Variants in CLTCL1 observed in about 807,000 individuals in gnomAD.
The protein encoded by CLTCL1 is clathrin heavy chain like 1, also known as clathrin heavy chain 2.
Under a neutral mutation model 190.0 loss-of-function variants are expected in CLTCL1, and 159 were observed. That is an observed-to-expected ratio of 0.84 (90% CI 0.74 to 0.95). The LOEUF (loss-of-function observed/expected upper bound fraction) is 0.95. Ranked by LOEUF, CLTCL1 falls within the 40% of genes least tolerant of loss-of-function variation. The pLI, the probability that CLTCL1 is intolerant of heterozygous loss-of-function variation, is 0.00. For synonymous variants in CLTCL1, 752 were observed against 769.6 expected (o/e 0.98, Z 0.38); for missense variants, 1,878 against 2,033.4 (o/e 0.92, Z 1.47).
chr22:19,217,853 G>GAAAAAAAA (rs535821018), intron 18 of CLTCL1, among the ~76,000 whole-genome samples: 1 of 81,360 alleles, frequency 1.2e-5, no homozygotes. Context: ...CTCAAAAAGA[G>GAAAAAAAA]AAAAAAAAAA....
intron 2 of CLTCL1, among the ~76,000 whole-genome samples, chr22:19,254,849 C>T (rs1222124438): frequency 6.6e-6 from 1 of 152,084 alleles, no homozygotes; most frequent in Non-Finnish European, 1.5e-5. Flanking sequence ...TGTTAAACAG[C>T]CCCATGTAGC....
At chr22:19,232,762 G>C in intron 9 of CLTCL1, 164 bp from the exon 10 acceptor site, 3 of 893,044 alleles carry the variant, frequency 3.4e-6, no homozygotes, top group Non-Finnish European at 4.9e-6. Flanking sequence ...CCAATTAAAT[G>C]AATTGATTTA....
intron 3 of CLTCL1, among the ~76,000 whole-genome samples, chr22:19,251,699 GC>G (rs1369996749): frequency 1.3e-5 from 2 of 151,884 alleles, no homozygotes; most frequent in Non-Finnish European, 2.9e-5. Context: ...CTCGTGATCC[GC>G]CCGCCTTGGC....
At chr22:19,206,911 T>C (rs951244187) in intron 22 of CLTCL1, among the ~76,000 whole-genome samples, 1 of 151,578 alleles carries the variant, frequency 6.6e-6, no homozygotes, top group African/African-American at 2.4e-5. Flanking sequence ...CTTTTATTTA[T>C]GGTTAAGGTT....
intron 2 of CLTCL1, chr22:19,257,727 A>G (rs1479250085): frequency 8.3e-7 from 1 of 1,211,136 alleles, no homozygotes; most frequent in African/African-American, 1.7e-5. Flanking sequence ...TGGGATGGCC[A>G]GGGGTCTGGC....
rs368852610 is a variant in CLTCL1, at chr22:19,221,499, A to C, written c.2674T>G (p.Cys892Gly). The stretch of plus-strand genomic sequence containing the variant: ...TAGTAGGCATTCTCTCTCAGGAAGC[A>C]CTCGGGGCTGTTGTTGCTGTCGATG... ...IYIDSNNSPE[C>G]FLRENAYYDS... Residue 892 changes from cysteine (C) to glycine (G), a missense_variant, in exon 17 of 33, where the codon TGC becomes GGC. Transcript: ENST00000427926. The C allele has an allele frequency of 1.2e-6, 2 of 1,601,850 alleles. No homozygotes were observed. The highest frequency in any genetic ancestry group is 1.7e-6 in the Non-Finnish European group (2 of 1,174,032).
intron 22 of CLTCL1, among the ~76,000 whole-genome samples, chr22:19,206,023 CTCCAGTGAG>C (rs1340087055): frequency 6.6e-6 from 1 of 151,954 alleles, no homozygotes; most frequent in Non-Finnish European, 1.5e-5. Flanking sequence ...ACTTCCCAGC[CTCCAGTGAG>C]TCTCCCACCT....
At chr22:19,252,298 T>C (rs140237154) in intron 3 of CLTCL1, among the ~76,000 whole-genome samples, 42 of 152,260 alleles carry the variant, frequency 2.8e-4, no homozygotes, top group African/African-American at 9.4e-4. Context: ...ATAATTCCCA[T>C]TGCCTGCAGT....
In CLTCL1 at chr22:19,180,070, T is replaced by TA. The variant is rs2084077636; in HGVS notation, c.*21-102dup. On this transcript the variant is annotated intron_variant, in intron 32 of 32. Transcript: ENST00000427926. ...CCCGGGGCCCAGGGAGCAGGGTCTA[T>TA]AGGACCAGCCCTTACCACCCAGACG... The TA allele has an allele frequency of 2.8e-5, 22 of 797,364 alleles. 2 individuals are homozygous for TA. The South Asian group carries it at 3.2e-4, about 12-fold the overall frequency. 49.4% of individuals were successfully genotyped at this position (797,364 alleles called of 1,614,324 possible).
intron 2 of CLTCL1, among the ~76,000 whole-genome samples, chr22:19,269,342 G>C (rs2087227215): frequency 6.6e-6 from 1 of 152,080 alleles, no homozygotes; most frequent in Admixed American, 6.6e-5. Context: ...AGAGGTTACA[G>C]TGAGCCAATA....
chr22:19,219,248 C>T (rs782295695), intron 18 of CLTCL1, among the ~76,000 whole-genome samples: 13 of 151,706 alleles, frequency 8.6e-5, no homozygotes, highest in Non-Finnish European at 1.9e-4. Context: ...AGTGCAGTGG[C>T]GTGCAGTCTC....
At chr22:19,190,351 A>G (rs1339263844) in intron 27 of CLTCL1, among the ~76,000 whole-genome samples, 1 of 152,232 alleles carries the variant, frequency 6.6e-6, no homozygotes, top group Admixed American at 6.5e-5. Context: ...TCAGCGGAGC[A>G]GTCAGAACAC....
At chr22:19,222,191 G>A (rs1555952973) in intron 15 of CLTCL1, 98 bp from the exon 16 acceptor site, 1 of 1,285,464 alleles carries the variant, frequency 7.8e-7, no homozygotes, top group Non-Finnish European at 1.1e-6. Flanking sequence ...CCCTGAAAGG[G>A]CTCCTGTTTA....
intron 27 of CLTCL1, among the ~76,000 whole-genome samples, chr22:19,188,892 G>A (rs2084400982): frequency 6.6e-6 from 1 of 152,022 alleles, no homozygotes; most frequent in African/African-American, 2.4e-5. Context: ...TAGGATTACA[G>A]GCATGAGCCA....
intron 2 of CLTCL1, among the ~76,000 whole-genome samples, chr22:19,256,178 T>C (rs972922891): frequency 1.3e-5 from 2 of 151,888 alleles, no homozygotes; most frequent in African/African-American, 2.4e-5. Flanking sequence ...TTTTAATAGA[T>C]ACAGGGCCTC....
chr22:19,226,993 C>G (rs1013648264), intron 11 of CLTCL1, among the ~76,000 whole-genome samples: 1 of 151,992 alleles, frequency 6.6e-6, no homozygotes, highest in Admixed American at 6.6e-5. Context: ...CCACCTTGGC[C>G]TCCTAAAGTG....
At chr22:19,262,322 A>C (rs1018661338) in intron 2 of CLTCL1, among the ~76,000 whole-genome samples, 10 of 150,404 alleles carry the variant, frequency 6.6e-5, no homozygotes, top group Non-Finnish European at 1.5e-4. Flanking sequence ...CACCGCACCC[A>C]GCCTGATGTC....
chr22:19,226,410 G>A (rs940805845), intron 11 of CLTCL1, 27 bp from the exon 12 acceptor site: 4 of 1,612,812 alleles, frequency 2.5e-6, no homozygotes, highest in Non-Finnish European at 3.4e-6. Context: ...TCGGTGAGAA[G>A]CCCTGATCAA....
chr22:19,183,759 TC>T, intron 29 of CLTCL1, 148 bp from the exon 30 acceptor site: 1 of 749,460 alleles, frequency 1.3e-6, no homozygotes, highest in Non-Finnish European at 2.2e-6. Context: ...GCTGGGCCAT[TC>T]CCTATGCCCT....
Sources: gnomAD v4.1 joint callset for allele counts (sites outside exome capture counted in the v4.1 genomes callset) on GRCh38, gnomAD v4.1.1 for gene constraint, MANE v1.5 for transcripts, NCBI Gene and HGNC (gene_info 2026-07-23, HGNC 2026-07-21) for gene names.